The following DLG2 variants were observed in gnomAD, a reference collection of about 807,000 sequenced individuals.
DLG2 encodes discs large MAGUK scaffold protein 2, also known as disks large homolog 2.
Under a neutral mutation model 132.5 loss-of-function variants are expected in DLG2, and 45 were observed. The observed-to-expected ratio is 0.34, with a 90% CI of 0.27 to 0.44. DLG2 has a LOEUF of 0.44. Ranked by LOEUF, DLG2 falls within the 20% of genes least tolerant of loss-of-function variation. The pLI is 1.00. For missense variants in DLG2, 1,045 were observed against 1,196.9 expected, an observed-to-expected ratio of 0.87 and a Z score of 1.87; for synonymous variants, 424 against 419.6, an observed-to-expected ratio of 1.01 and a Z score of -0.13.
intron 6 of DLG2, among the ~76,000 whole-genome samples, chr11:84,734,582 G>T (rs1024796374): frequency 6.6e-6 from 1 of 152,048 alleles, no homozygotes; most frequent in Admixed American, 6.6e-5. Context: ...GTCATCTGCA[G>T]ACAGGGACAA....
chr11:84,834,930 C>T (rs1291419188), intron 6 of DLG2, among the ~76,000 whole-genome samples: 1 of 151,224 alleles, frequency 6.6e-6, no homozygotes, highest in African/African-American at 2.4e-5. Context: ...GGGAAAAAAT[C>T]TGACATCAAT....
At chr11:84,935,652 T>C (rs1225082644) in intron 6 of DLG2, among the ~76,000 whole-genome samples, 3 of 152,040 alleles carry the variant, frequency 2.0e-5, no homozygotes, top group Non-Finnish European at 2.9e-5. Context: ...TGGGGAAGAG[T>C]GTTATTGGCA....
Position 83,560,153 on chromosome 11 carries a change from T to A in DLG2, c.1941-18295A>T, listed in dbSNP as rs139434672. Among the ~76,000 whole-genome samples the A allele has an allele frequency of 7.8e-3, 1,191 of 151,906 alleles. 24 individuals are homozygous for A. The highest frequency in any genetic ancestry group is 0.027 in the African/African-American group (1,123 of 41,416). On this transcript the variant is annotated intron_variant, in intron 19 of 27. Transcript: ENST00000376104. ...TTTTCTTCTTGAGACGGAGTCTCAC[T>A]GTTGCCCAGGCTGGAGAGCAGTGGC... is the stretch of plus-strand genomic sequence containing the variant.
chr11:84,998,376 C>G (rs1223752416), intron 6 of DLG2, among the ~76,000 whole-genome samples: 1 of 152,144 alleles, frequency 6.6e-6, no homozygotes, highest in Non-Finnish European at 1.5e-5. Context: ...CTCTCTCCTG[C>G]TGCTCTGTGA....
rs975972566 is a variant in DLG2, at chr11:85,283,837, C to T, written c.186+1383G>A. 4.6e-5 allele frequency among the ~76,000 whole-genome samples: 7 copies of T among 151,200 alleles called. No individual in the cohort carries two copies. The East Asian group carries it at 1.2e-3, about 25-fold the overall frequency. ...CCAGAGACTTAAAAATGTCCATACCCTTGTACTCAACAGTTTCATTTATAA... is the reference window on the plus strand; with the variant it reads ...CCAGAGACTTAAAAATGTCCATACCTTTGTACTCAACAGTTTCATTTATAA... On this transcript the variant is annotated intron_variant, in intron 4 of 27. Transcript: ENST00000376104.
chr11:85,609,210 T>C (rs1258258136), intron 2 of DLG2, among the ~76,000 whole-genome samples: 2 of 152,200 alleles, frequency 1.3e-5, no homozygotes, highest in African/African-American at 2.4e-5. Flanking sequence ...TAAGAAAATA[T>C]ACTCCCCTGT....
chr11:85,433,378 G>C (rs919685614), intron 3 of DLG2, among the ~76,000 whole-genome samples: 1 of 152,142 alleles, frequency 6.6e-6, no homozygotes, highest in Non-Finnish European at 1.5e-5. Flanking sequence ...TGGCAAATTG[G>C]ATAGAGTCAA....
chr11:84,677,748 C>G (rs2099717382), intron 6 of DLG2, among the ~76,000 whole-genome samples: 1 of 151,934 alleles, frequency 6.6e-6, no homozygotes, highest in Non-Finnish European at 1.5e-5. Flanking sequence ...TAAAAATTAG[C>G]TGGGTGCAGT....
intron 6 of DLG2, among the ~76,000 whole-genome samples, chr11:84,946,451 A>T (rs941368364): frequency 5.3e-5 from 8 of 151,948 alleles, no homozygotes; most frequent in African/African-American, 1.9e-4. Flanking sequence ...GGACTGTGTT[A>T]TTCCCTTCAA....
At chr11:85,184,578 A>G (rs914927844) in intron 4 of DLG2, among the ~76,000 whole-genome samples, 1 of 151,836 alleles carries the variant, frequency 6.6e-6, no homozygotes, top group African/African-American at 2.4e-5. Context: ...AGAACTGCCC[A>G]TTTCCCTCAT....
chr11:84,268,377 C>T (rs1473154884), intron 7 of DLG2, among the ~76,000 whole-genome samples: 5 of 151,858 alleles, frequency 3.3e-5, no homozygotes, highest in African/African-American at 4.8e-5. Flanking sequence ...TTAAGAATAA[C>T]GCTCTCTGAG....
chr11:84,529,187 A>G (rs2099329392), intron 7 of DLG2, among the ~76,000 whole-genome samples: 1 of 152,318 alleles, frequency 6.6e-6, no homozygotes, highest in South Asian at 2.1e-4. Flanking sequence ...ATCCCAGATC[A>G]TACTGAATGG....
At chr11:84,303,499 C>T (rs2154383018) in intron 7 of DLG2, among the ~76,000 whole-genome samples, 1 of 152,240 alleles carries the variant, frequency 6.6e-6, no homozygotes, top group Middle Eastern at 3.4e-3. Context: ...TATACAGAAA[C>T]TAATTATAAA....
chr11:84,353,193 G>A (rs1559855), intron 7 of DLG2, among the ~76,000 whole-genome samples: 33,195 of 151,946 alleles, frequency 0.22, 5,230 homozygotes, highest in African/African-American at 0.44. Context: ...GTTTTTTACC[G>A]CTTGCCTTAA....
At chr11:84,850,820 A>G (rs1043398681) in intron 6 of DLG2, among the ~76,000 whole-genome samples, 5 of 152,142 alleles carry the variant, frequency 3.3e-5, no homozygotes, top group Admixed American at 3.3e-4. Context: ...TAAAATATTT[A>G]GGAATAAATT....
intron 18 of DLG2, among the ~76,000 whole-genome samples, chr11:83,768,767 T>A (rs906420369): frequency 2.0e-5 from 3 of 152,166 alleles, no homozygotes; most frequent in African/African-American, 7.2e-5. Flanking sequence ...ACTTCGCCCA[T>A]ACTAGTTAAA....
chr11:85,626,258 G>T (rs2082022961), intron 2 of DLG2, among the ~76,000 whole-genome samples: 1 of 152,166 alleles, frequency 6.6e-6, no homozygotes, highest in Non-Finnish European at 1.5e-5. Flanking sequence ...CACTGCACAA[G>T]TTTCTTTTTT....
intron 8 of DLG2, among the ~76,000 whole-genome samples, chr11:84,221,389 A>G (rs2096914505): frequency 6.6e-6 from 1 of 151,946 alleles, no homozygotes; most frequent in Non-Finnish European, 1.5e-5. Flanking sequence ...GCTTGAACCT[A>G]GGAGGTGGAG....
At chr11:85,525,791 G>A (rs951162869) in intron 3 of DLG2, among the ~76,000 whole-genome samples, 1 of 152,174 alleles carries the variant, frequency 6.6e-6, no homozygotes, top group Non-Finnish European at 1.5e-5. Flanking sequence ...TATGCATGTA[G>A]TCTCTCTGAG....
Sources: allele counts gnomAD v4.1 joint callset (sites outside exome capture counted in the v4.1 genomes callset), GRCh38; gene constraint gnomAD v4.1.1; transcripts MANE v1.5; gene names NCBI Gene and HGNC (gene_info 2026-07-23, HGNC 2026-07-21).